The following SEL1L2 variants were observed in gnomAD, a reference collection of about 807,000 sequenced individuals.
SEL1L2 encodes SEL1L2 adaptor subunit of SYVN1 ubiquitin ligase, also known as protein sel-1 homolog 2.
Under a neutral mutation model 98.8 loss-of-function variants are expected in SEL1L2, and 89 were observed. The ratio of observed to expected loss-of-function variants is 0.90; its 90% CI spans 0.76 to 1.07. SEL1L2 has a LOEUF of 1.07. Ranked by LOEUF, SEL1L2 falls within the 50% of genes least tolerant of loss-of-function variation. The probability of loss-of-function intolerance (pLI) is 0.00; values close to 1 mark genes in which losing one functional copy is unlikely to be tolerated. For missense variants in SEL1L2, 788 were observed against 812.0 expected (o/e 0.97, Z 0.36); for synonymous variants, 262 against 278.5 (o/e 0.94, Z 0.59).
rs1206438969 is a variant in SEL1L2, at chr20:13,865,331, A to C, written c.1570+18T>G. The C allele has an allele frequency of 6.2e-6, 10 of 1,613,190 alleles. 1 individual carries two copies. In the South Asian group the frequency reaches 1.1e-4, roughly 18 times the overall value. On this transcript the variant is annotated intron_variant, in intron 16 of 19. Coordinates refer to ENST00000284951, the MANE Select transcript of SEL1L2 (RefSeq NM_025229.2). ...TATGTATGATTGGGGGATTGCAGAG[A>C]ATTTTAACTCATCTTACTAGATTCC...
rs1273722943 is a variant in SEL1L2, at chr20:13,865,233, T to C, written c.1579A>G (p.Asn527Asp). Residue 527 changes from asparagine to aspartate, a missense_variant, in exon 17 of 20, where the codon AAC becomes GAC. Coordinates refer to ENST00000284951, the MANE Select transcript of SEL1L2 (RefSeq NM_025229.2). ...TACATCTTCTCTTTTTCAAGAATGT[T>C]AGCCTTTTCTAAAAAGAGGAGACAT... ...SAFILESKKA[N>D]ILEKEKMYPM... 28 of 1,613,644 alleles carry C rather than the reference T, an allele frequency of 1.7e-5. No individual in the cohort carries two copies. Among genetic ancestry groups the C allele is most frequent in the Non-Finnish European group, 2.4e-5 (28 of 1,179,578 alleles).
intron 2 of SEL1L2, among the ~76,000 whole-genome samples, chr20:13,954,101 G>C (rs1385661356): frequency 6.6e-6 from 1 of 151,308 alleles, no homozygotes; most frequent in East Asian, 1.9e-4. Flanking sequence ...TGGAGGAGTA[G>C]ATGACTTTTT....
Position 13,919,108 on chromosome 20 carries a change from T to C in SEL1L2, c.299A>G (p.Glu100Gly), listed in dbSNP as rs756693843. 124 of 1,610,384 alleles carry C rather than the reference T, an allele frequency of 7.7e-5. No homozygotes were observed. The highest frequency in any genetic ancestry group is 1.0e-4 in the Non-Finnish European group (119 of 1,177,070). The change falls in exon 4 of 20, where the codon GAG becomes GGG. Residue 100 changes from glutamate to glycine, a missense_variant. Coordinates refer to ENST00000284951, the MANE Select transcript of SEL1L2 (RefSeq NM_025229.2). ...RNKNHLQKQA[E>G]KNFTDEGDQL... is the part of the protein sequence containing the mutation. ...GTCTCCTTCATCTGTAAAATTTTTC[T>C]CTGCTTGCTTTTGTACTATACATGA...
At chr20:13,964,723 G>A (rs570666181) in intron 1 of SEL1L2, among the ~76,000 whole-genome samples, 211 of 152,060 alleles carry the variant, frequency 1.4e-3, no homozygotes, top group African/African-American at 4.9e-3. Flanking sequence ...CAAAGTGCTG[G>A]CGGCCATCTC....
At chr20:13,934,846 C>T (rs1223438298) in intron 2 of SEL1L2, among the ~76,000 whole-genome samples, 1 of 151,848 alleles carries the variant, frequency 6.6e-6, no homozygotes, top group African/African-American at 2.4e-5. Flanking sequence ...TTTTGGTTTG[C>T]ATTTCCTGCT....
chr20:13,975,448 C>A (rs2051489921), intron 1 of SEL1L2, among the ~76,000 whole-genome samples: 1 of 152,160 alleles, frequency 6.6e-6, no homozygotes, highest in East Asian at 1.9e-4. Flanking sequence ...AGAATTCAAA[C>A]TTAAAATAAC....
chr20:13,867,525 G>A (rs528986107), intron 14 of SEL1L2, among the ~76,000 whole-genome samples: 12 of 152,266 alleles, frequency 7.9e-5, no homozygotes, highest in South Asian at 4.1e-4. Flanking sequence ...GCCATGTAGC[G>A]ATTAAGAGCA....
chr20:13,890,375 A>C (rs1239211344), intron 5 of SEL1L2, among the ~76,000 whole-genome samples: 1 of 152,058 alleles, frequency 6.6e-6, no homozygotes, highest in African/African-American at 2.4e-5. Flanking sequence ...AAGGAGAAAG[A>C]GATTATAAAC....
At position 13,869,268 on chromosome 20, in the gene SEL1L2, C is replaced by T. The variant is rs556357965; in HGVS notation, c.1255+235G>A. On this transcript the variant is annotated intron_variant, in intron 14 of 19. Coordinates refer to ENST00000284951, the MANE Select transcript of SEL1L2 (RefSeq NM_025229.2). Reference sequence around the variant, plus strand: ...GCTTCTGGGGATGTGCACGGGATATCGCTAGCACCTCCAACTTAACCTTGT... The same window carrying T: ...GCTTCTGGGGATGTGCACGGGATATTGCTAGCACCTCCAACTTAACCTTGT... 4.6e-5 allele frequency among the ~76,000 whole-genome samples: 7 copies of T among 152,248 alleles called. No homozygotes were observed. In the East Asian group the frequency reaches 1.2e-3, roughly 25 times the overall value.
At chr20:13,903,619 C>A (rs1222277020) in intron 5 of SEL1L2, among the ~76,000 whole-genome samples, 1 of 152,132 alleles carries the variant, frequency 6.6e-6, no homozygotes, top group African/African-American at 2.4e-5. Flanking sequence ...TCGAGACCAG[C>A]CTGATCAACA....
rs764269533 is a variant in SEL1L2, at chr20:13,919,073, T to G, written c.334A>C (p.Lys112Gln). 2 of 1,613,724 alleles carry G rather than the reference T, an allele frequency of 1.2e-6. No individual in the cohort carries two copies. Among genetic ancestry groups the G allele is most frequent in the Middle Eastern group, 1.6e-4 (1 of 6,078 alleles). Residue 112 changes from lysine to glutamine, a missense_variant, in exon 4 of 20, where the codon AAG becomes CAG. Physicochemically the swap from Lys to Gln is moderately conservative, Grantham distance 53 (BLOSUM62 1). Coordinates refer to ENST00000284951, the MANE Select transcript of SEL1L2 (RefSeq NM_025229.2). ...NFTDEGDQLF[K>Q]MGIKVLQQSK... ...TGCTGGAGAACCTTGATGCCCATCT[T>G]AAATAGCTGGTCTCCTTCATCTGTA...
At chr20:13,955,612 C>A (rs554447614) in intron 2 of SEL1L2, among the ~76,000 whole-genome samples, 1 of 152,246 alleles carries the variant, frequency 6.6e-6, no homozygotes, top group South Asian at 2.1e-4. Flanking sequence ...CACTTCTTTA[C>A]TTGACATATT....
chr20:13,964,372 C>CCCCAAATGCAACCTGCCCT (rs2050931555), intron 1 of SEL1L2, among the ~76,000 whole-genome samples: 1 of 151,506 alleles, frequency 6.6e-6, no homozygotes, highest in South Asian at 2.1e-4. Context: ...CCCACCCCAC[C>CCCCAAATGCAACCTGCCCT]CCCAAATGCA....
chr20:13,880,514 C>T (rs1014012567), intron 10 of SEL1L2, among the ~76,000 whole-genome samples: 2 of 151,972 alleles, frequency 1.3e-5, no homozygotes, highest in Non-Finnish European at 1.5e-5. Flanking sequence ...TTAAACACCA[C>T]GTGAAACTAC....
chr20:13,879,518 C>G (rs955802769), intron 10 of SEL1L2, among the ~76,000 whole-genome samples: 5 of 151,852 alleles, frequency 3.3e-5, no homozygotes, highest in African/African-American at 1.2e-4. Flanking sequence ...ACAACTGGCT[C>G]ATTTTTGTAT....
intron 2 of SEL1L2, among the ~76,000 whole-genome samples, chr20:13,954,872 AT>A (rs1488798026): frequency 1.3e-5 from 2 of 152,198 alleles, no homozygotes; most frequent in Non-Finnish European, 2.9e-5. Context: ...ACAAACTGAG[AT>A]TTAGGTGAAG....
chr20:13,917,041 T>C (rs2048434912), intron 4 of SEL1L2, among the ~76,000 whole-genome samples: 1 of 152,048 alleles, frequency 6.6e-6, no homozygotes, highest in Non-Finnish European at 1.5e-5. Flanking sequence ...AGTGATTTTG[T>C]CCCATTGGGC....
intron 3 of SEL1L2, among the ~76,000 whole-genome samples, chr20:13,922,375 C>A (rs1261151916): frequency 6.6e-6 from 1 of 152,110 alleles, no homozygotes; most frequent in Non-Finnish European, 1.5e-5. Context: ...CTTTATTTGA[C>A]TAAACTCTTT....
At chr20:13,855,559 C>T (rs935218874) in intron 18 of SEL1L2, among the ~76,000 whole-genome samples, 2 of 152,152 alleles carry the variant, frequency 1.3e-5, no homozygotes, top group African/African-American at 4.8e-5. Flanking sequence ...AATGGCTTAA[C>T]ACAATAGAAG....
Sources: allele counts gnomAD v4.1 joint callset (sites outside exome capture counted in the v4.1 genomes callset), GRCh38; gene constraint gnomAD v4.1.1; transcripts MANE v1.5; gene names NCBI Gene and HGNC (gene_info 2026-07-23, HGNC 2026-07-21).